The following SARNP variants were observed in gnomAD, a reference collection of about 807,000 sequenced individuals.
SARNP encodes SAP domain containing ribonucleoprotein.
Under a neutral mutation model 38.1 loss-of-function variants are expected in SARNP, and 5 were observed. The ratio of observed to expected loss-of-function variants is 0.13; its 90% confidence interval spans 0.07 to 0.28. The LOEUF is 0.28. Among genes scored for constraint, SARNP ranks in the 10% least tolerant of loss-of-function variants. SARNP has a pLI of 1.00. For synonymous variants in SARNP, 84 were observed against 80.6 expected (o/e 1.04, Z -0.23); for missense variants, 180 against 243.9 (o/e 0.74, Z 1.75).
chr12:55,777,548 G>A lies in SARNP; in HGVS notation c.501+11527C>T, dbSNP rs1681085. 6.7e-3 allele frequency among the ~76,000 whole-genome samples: 1,024 copies of A among 151,906 alleles called. 16 individuals are homozygous for A. The highest frequency in any genetic ancestry group is 0.024 in the African/African-American group (974 of 41,440). On this transcript the variant is annotated intron_variant, in intron 9 of 10. Transcript: ENST00000336133. ...TGCCACCATGCGCTGCTAATTTTTT[G>A]TATTTTTAGTAGAGACAGGGTTTCA...
At chr12:55,793,725 A>T (rs970082922) in intron 7 of SARNP, 1 of 152,352 alleles carries the variant, frequency 6.6e-6, no homozygotes, top group African/African-American at 2.4e-5. Context: ...CTATACATGC[A>T]CTCTTACATG....
intron 9 of SARNP, among the ~76,000 whole-genome samples, chr12:55,766,163 T>C (rs990438007): frequency 1.3e-5 from 2 of 152,144 alleles, no homozygotes; most frequent in Non-Finnish European, 2.9e-5. Flanking sequence ...TGAAAACCTT[T>C]CCCTTCTTCA....
intron 9 of SARNP, among the ~76,000 whole-genome samples, chr12:55,775,542 C>CA (rs1301695865): frequency 2.9e-5 from 3 of 105,196 alleles, no homozygotes; most frequent in African/African-American, 1.2e-4. Flanking sequence ...AAAAAAAAAA[C>CA]AAAAAACAAA....
chr12:55,761,919 T>A (rs1811743803), intron 9 of SARNP: 1 of 152,246 alleles, frequency 6.6e-6, no homozygotes, highest in Non-Finnish European at 1.5e-5. Flanking sequence ...CCTAGAGATG[T>A]ACCCATCCTC....
At chr12:55,792,298 G>A (rs968236498) in intron 7 of SARNP, among the ~76,000 whole-genome samples, 114 of 152,124 alleles carry the variant, frequency 7.5e-4, no homozygotes, top group Middle Eastern at 3.4e-3. Flanking sequence ...TAAAACTACT[G>A]ACGAGTCACA....
At chr12:55,771,198 TC>T (rs1878998950) in intron 9 of SARNP, among the ~76,000 whole-genome samples, 1 of 152,120 alleles carries the variant, frequency 6.6e-6, no homozygotes, top group Non-Finnish European at 1.5e-5. Context: ...CCTCAGGTGA[TC>T]CGCCTGCCCC....
In SARNP at chr12:55,809,973, C is replaced by T. The variant is rs372202899; in HGVS notation, c.37-6245G>A. Among the ~76,000 whole-genome samples, 18 of 152,258 alleles carry T rather than the reference C, an allele frequency of 1.2e-4. No individual in the cohort carries two copies. The East Asian group carries it at 3.3e-3, about 28-fold the overall frequency. On this transcript the variant is annotated intron_variant, in intron 1 of 10. Coordinates refer to ENST00000336133, the MANE Select transcript of SARNP (RefSeq NM_033082.4). The stretch of plus-strand genomic sequence containing the variant: ...TCTTTTGTGAACTTGTGCATGATTA[C>T]CTATTCAAAAAGTTTTTTAAATCTT...
At chr12:55,774,943 G>A (rs1310797971) in intron 9 of SARNP, among the ~76,000 whole-genome samples, 1 of 137,572 alleles carries the variant, frequency 7.3e-6, no homozygotes. Flanking sequence ...CTGGAGCACA[G>A]TGGCGCAATC....
chr12:55,807,039 C>T (rs1880167045), intron 1 of SARNP, among the ~76,000 whole-genome samples: 1 of 152,140 alleles, frequency 6.6e-6, no homozygotes, highest in African/African-American at 2.4e-5. Flanking sequence ...GAAATCCTCC[C>T]ACCCGAACCT....
At chr12:55,789,350 C>T (rs1033633890) in intron 8 of SARNP, among the ~76,000 whole-genome samples, 1 of 152,130 alleles carries the variant, frequency 6.6e-6, no homozygotes, top group Non-Finnish European at 1.5e-5. Context: ...AGCCCTGCCT[C>T]CTGCATTTAT....
At chr12:55,790,476 A>C in intron 8 of SARNP, 91 bp downstream of exon 8, 1 of 1,340,042 alleles carries the variant, frequency 7.5e-7, no homozygotes, top group South Asian at 1.4e-5. Context: ...ATGTTCTCAG[A>C]GTTTCCTCTA....
chr12:55,811,542 C>A (rs1437239456), intron 1 of SARNP, among the ~76,000 whole-genome samples: 1 of 152,084 alleles, frequency 6.6e-6, no homozygotes, highest in Non-Finnish European at 1.5e-5. Flanking sequence ...TACACTCCAG[C>A]CTGGGAGAAA....
chr12:55,763,965 C>G (rs983805649), intron 9 of SARNP, among the ~76,000 whole-genome samples: 1 of 152,200 alleles, frequency 6.6e-6, no homozygotes, highest in African/African-American at 2.4e-5. Flanking sequence ...TTTGGAAGAA[C>G]AGTAGGACAA....
intron 9 of SARNP, among the ~76,000 whole-genome samples, chr12:55,764,244 G>A (rs1294943996): frequency 6.6e-6 from 1 of 152,134 alleles, no homozygotes; most frequent in African/African-American, 2.4e-5. Context: ...AGAATAAGGG[G>A]CTGGGAGCAG....
intron 1 of SARNP, among the ~76,000 whole-genome samples, chr12:55,809,779 C>A (rs1293345043): frequency 3.3e-5 from 5 of 150,718 alleles, no homozygotes; most frequent in Admixed American, 2.6e-4. Flanking sequence ...AGTTATAGAA[C>A]ATTCTATAAG....
At chr12:55,794,934 A>G (rs896029211) in intron 5 of SARNP, 54 bp from the exon 6 acceptor site, 4 of 752,454 alleles carry the variant, frequency 5.3e-6, no homozygotes, top group Middle Eastern at 3.3e-4. Flanking sequence ...GGTTTAAGAA[A>G]GTCAGTCAGA....
At chr12:55,812,499 T>G (rs1465971754) in intron 1 of SARNP, among the ~76,000 whole-genome samples, 1 of 152,172 alleles carries the variant, frequency 6.6e-6, no homozygotes, top group African/African-American at 2.4e-5. Context: ...TCTGAATAAA[T>G]CCCAAGTCTT....
intron 9 of SARNP, among the ~76,000 whole-genome samples, chr12:55,772,712 CTTTTT>C (rs11428581): frequency 1.5e-5 from 2 of 130,300 alleles, no homozygotes; most frequent in African/African-American, 5.8e-5. Flanking sequence ...GAAGCTGAAA[CTTTTT>C]TTTTTTTTTT....
At chr12:55,817,723 AGGCCCCCACCCGC>A in exon 1 of SARNP, 1 of 1,608,036 alleles carries the variant, frequency 6.2e-7, no homozygotes, top group Non-Finnish European at 8.5e-7. Context: ...TCACTCCACT[AGGCCCCCACCCGC>A]GGCCTCCGCC....
Sources: gnomAD v4.1 joint callset for allele counts (sites outside exome capture counted in the v4.1 genomes callset) on GRCh38, gnomAD v4.1.1 for gene constraint, MANE v1.5 for transcripts, NCBI Gene and HGNC (gene_info 2026-07-23, HGNC 2026-07-21) for gene names.